Variants in HNF4G observed in about 807,000 individuals in gnomAD.
HNF4G encodes hepatocyte nuclear factor 4 gamma, also known as hepatocyte nuclear factor 4-gamma.
In HNF4G, 21 loss-of-function variants were observed where a neutral mutation model predicts 50.9. The observed-to-expected ratio is 0.41, with a 90% CI of 0.29 to 0.59. The LOEUF (loss-of-function observed/expected upper bound fraction) is 0.59, where lower values mean the gene tolerates loss of function less well. Ranked by LOEUF, HNF4G falls within the 20% of genes least tolerant of loss-of-function variation. The pLI, the probability that HNF4G is intolerant of heterozygous loss-of-function variation, is 0.26. For missense variants in HNF4G, 527 were observed against 559.4 expected (o/e 0.94, Z 0.58); for synonymous variants, 198 against 185.6 (o/e 1.07, Z -0.54).
chr8:75,528,675 G>T (rs1486071184), intron 2 of HNF4G, among the ~76,000 whole-genome samples: 1 of 152,116 alleles, frequency 6.6e-6, no homozygotes, highest in Non-Finnish European at 1.5e-5. Flanking sequence ...GGTCTGCAGA[G>T]GCAAATTCAT....
intron 9 of HNF4G, among the ~76,000 whole-genome samples, chr8:75,561,399 C>G (rs549004521): frequency 6.6e-6 from 1 of 152,216 alleles, no homozygotes; most frequent in South Asian, 2.1e-4. Flanking sequence ...CTTTTTATTC[C>G]TTTCTGCACT....
chr8:75,468,990 CAT>C (rs1402941757), intron 1 of HNF4G, among the ~76,000 whole-genome samples: 2 of 151,316 alleles, frequency 1.3e-5, no homozygotes, highest in Non-Finnish European at 2.9e-5. Flanking sequence ...ACAAAAGAGT[CAT>C]AAAACTTTCA....
chr8:75,417,951 G>T (rs1810681381), intron 1 of HNF4G, among the ~76,000 whole-genome samples: 1 of 146,244 alleles, frequency 6.8e-6, no homozygotes, highest in African/African-American at 2.6e-5. Flanking sequence ...TTATAAATGT[G>T]TGTGTGTCTA....
At chr8:75,446,927 A>G (rs941334015) in intron 1 of HNF4G, among the ~76,000 whole-genome samples, 1 of 132,068 alleles carries the variant, frequency 7.6e-6, no homozygotes, top group Admixed American at 7.7e-5. Context: ...ATTGGAAAAA[A>G]CTACTTTAAA....
chr8:75,494,369 A>G (rs1180549248), intron 2 of HNF4G, among the ~76,000 whole-genome samples: 1 of 151,654 alleles, frequency 6.6e-6, no homozygotes, highest in Non-Finnish European at 1.5e-5. Flanking sequence ...ATACACAAGG[A>G]GACCAAGAAA....
intron 1 of HNF4G, among the ~76,000 whole-genome samples, chr8:75,440,658 G>C (rs975427295): frequency 2.0e-5 from 3 of 151,978 alleles, no homozygotes; most frequent in East Asian, 1.9e-4. Flanking sequence ...AAGGAAAAAA[G>C]GTGAAGCTTA....
chr8:75,551,277 T>C, intron 3 of HNF4G, 111 bp from the exon 4 acceptor site: 1 of 609,698 alleles, frequency 1.6e-6, no homozygotes, highest in East Asian at 2.8e-5. Flanking sequence ...CAAGGTCTTT[T>C]AGAAAGACTT....
chr8:75,552,707 C>T (rs887543726), intron 4 of HNF4G, among the ~76,000 whole-genome samples: 2 of 152,054 alleles, frequency 1.3e-5, no homozygotes, highest in African/African-American at 2.4e-5. Flanking sequence ...TACTATCTAT[C>T]TATTTTTATA....
chr8:75,474,964 G>A (rs1431094633), intron 1 of HNF4G, among the ~76,000 whole-genome samples: 1 of 151,540 alleles, frequency 6.6e-6, no homozygotes, highest in African/African-American at 2.4e-5. Context: ...CCAAAGTGCT[G>A]GGATTACAGG....
chr8:75,412,137 G>A lies in HNF4G; in HGVS notation c.-144+3975G>A, dbSNP rs1471440427. Among the ~76,000 whole-genome samples the A allele has an allele frequency of 2.6e-5, 4 of 152,150 alleles. No homozygotes were observed. In the South Asian group the frequency reaches 8.3e-4, roughly 32 times the overall value. ...TGTGGACCGCTGGAAACCTGTCCAA[G>A]CCCTCTAATAGGCCTTGGAGATGTA... On this transcript the variant is annotated intron_variant, in intron 1 of 10. Transcript: ENST00000354370.
At chr8:75,559,272 TG>T (rs11346037) in intron 8 of HNF4G, among the ~76,000 whole-genome samples, 92,451 of 149,006 alleles carry the variant, frequency 0.62, 29,755 homozygotes, top group African/African-American at 0.81. Flanking sequence ...TCGTTTTTTT[TG>T]TTTGTTTTTT....
intron 2 of HNF4G, among the ~76,000 whole-genome samples, chr8:75,529,220 G>A (rs62517213): frequency 0.18 from 26,828 of 151,842 alleles, 2,447 homozygotes; most frequent in South Asian, 0.21. Flanking sequence ...GAACCCGGCA[G>A]GCGGAGCTTG....
At chr8:75,433,025 C>T (rs1811049237) in intron 1 of HNF4G, among the ~76,000 whole-genome samples, 1 of 152,124 alleles carries the variant, frequency 6.6e-6, no homozygotes, top group African/African-American at 2.4e-5. Context: ...GTCTGTACTC[C>T]TGCTAACACC....
chr8:75,421,243 C>T (rs1810768168), intron 1 of HNF4G, among the ~76,000 whole-genome samples: 1 of 152,162 alleles, frequency 6.6e-6, no homozygotes, highest in South Asian at 2.1e-4. Flanking sequence ...TGCAGCACAT[C>T]TCACTTTCTC....
At chr8:75,456,307 A>G (rs1033627615) in intron 1 of HNF4G, among the ~76,000 whole-genome samples, 10 of 152,302 alleles carry the variant, frequency 6.6e-5, no homozygotes, top group African/African-American at 2.4e-4. Context: ...AATGAAAACA[A>G]AAACATTTGA....
At chr8:75,503,760 G>A (rs1175395544) in intron 2 of HNF4G, among the ~76,000 whole-genome samples, 1 of 152,140 alleles carries the variant, frequency 6.6e-6, no homozygotes, top group Non-Finnish European at 1.5e-5. Flanking sequence ...TCTGAAAACT[G>A]CTAATAACTC....
chr8:75,514,388 T>C (rs1273818166), intron 2 of HNF4G, among the ~76,000 whole-genome samples: 2 of 150,164 alleles, frequency 1.3e-5, no homozygotes, highest in African/African-American at 4.9e-5. Context: ...TTTTTGTTGT[T>C]GTTGTCTAGG....
In HNF4G at chr8:75,553,018, A is replaced by G. The variant is rs953764075; in HGVS notation, c.490-24A>G. The G allele has an allele frequency of 5.7e-6, 9 of 1,567,622 alleles. No individual in the cohort carries two copies. The African/African-American group carries it at 1.1e-4, about 19-fold the overall frequency. On this transcript the variant is annotated intron_variant, in intron 4 of 9. Transcript: ENST00000396423. The stretch of plus-strand genomic sequence containing the variant: ...TGGCCATCTATTATTTTAAATGATA[A>G]TATAATGCTTTTCTTAATACTAGAT...
intron 1 of HNF4G, among the ~76,000 whole-genome samples, chr8:75,543,195 A>G (rs1043720436): frequency 2.0e-5 from 3 of 152,110 alleles, no homozygotes; most frequent in Non-Finnish European, 4.4e-5. Flanking sequence ...CAACAGGGGG[A>G]ACTCAGGCTC....
Sources: gnomAD v4.1 joint callset for allele counts (sites outside exome capture counted in the v4.1 genomes callset) on GRCh38, gnomAD v4.1.1 for gene constraint, MANE v1.5 for transcripts, NCBI Gene and HGNC (gene_info 2026-07-23, HGNC 2026-07-21) for gene names.